Variants in DPF3 observed in about 807,000 individuals in gnomAD.
The protein encoded by DPF3 is zinc finger protein DPF3.
In DPF3, 18 loss-of-function variants were observed where a neutral mutation model predicts 56.8. That is an observed-to-expected ratio of 0.32 (90% CI 0.22 to 0.47). The LOEUF (loss-of-function observed/expected upper bound fraction) is 0.47, where lower values mean the gene tolerates loss of function less well. Ranked by LOEUF, DPF3 falls within the 20% of genes least tolerant of loss-of-function variation. The pLI, the probability that DPF3 is intolerant of heterozygous loss-of-function variation, is 1.00. For missense variants in DPF3, 403 were observed against 488.8 expected, an observed-to-expected ratio of 0.82 and a Z score of 1.65; for synonymous variants, 188 against 180.2, an observed-to-expected ratio of 1.04 and a Z score of -0.35.
chr14:72,747,221 G>T (rs1011639447), intron 3 of DPF3, among the ~76,000 whole-genome samples: 1 of 152,134 alleles, frequency 6.6e-6, no homozygotes, highest in Admixed American at 6.5e-5. Context: ...AGGGACCAAG[G>T]AGCTGACATG....
At chr14:72,763,576 A>T (rs138068916) in intron 2 of DPF3, among the ~76,000 whole-genome samples, 51 of 152,296 alleles carry the variant, frequency 3.3e-4, no homozygotes, top group African/African-American at 1.1e-3. Flanking sequence ...TGTACCATAT[A>T]CAAAATTAAC....
intron 8 of DPF3, among the ~76,000 whole-genome samples, chr14:72,633,126 C>T (rs947294386): frequency 6.6e-6 from 1 of 152,054 alleles, no homozygotes; most frequent in African/African-American, 2.4e-5. Context: ...AGTTCTGACC[C>T]ATGAAACTAG....
At chr14:72,891,823 G>C (rs1886764379) in intron 1 of DPF3, among the ~76,000 whole-genome samples, 1 of 152,096 alleles carries the variant, frequency 6.6e-6, no homozygotes, top group African/African-American at 2.4e-5. Flanking sequence ...GCAAGCAGGG[G>C]CGTTGTGTGT....
chr14:72,629,559 T>C lies in DPF3; in HGVS notation c.984+65A>G. The stretch of plus-strand genomic sequence containing the variant: ...TAGTGACAAGAGTCCTTCCTTCCTC[T>C]TCACCCCTCAAAGGACCCCAGCTCT... On this transcript the variant is annotated intron_variant, in intron 9 of 10. Coordinates refer to ENST00000556509, the MANE Select transcript of DPF3 (RefSeq NM_001280542.3). 8.3e-6 allele frequency: 12 copies of C among 1,437,516 alleles called. 1 individual carries two copies. The South Asian group carries it at 1.3e-4, about 16-fold the overall frequency. The allele number at this position is 1,437,516 out of a possible 1,614,324, so 89.0% of individuals were successfully genotyped here. A position where few individuals can be genotyped will look rare whatever the true frequency, so the allele number is the denominator to read the frequency against.
At chr14:72,753,165 G>T in intron 3 of DPF3, 99 bp downstream of exon 3, 1 of 1,081,714 alleles carries the variant, frequency 9.2e-7, no homozygotes. Flanking sequence ...AGAAAACTTA[G>T]CTCTATGGAC....
intron 1 of DPF3, among the ~76,000 whole-genome samples, chr14:72,846,215 A>G (rs895398298): frequency 1.4e-4 from 21 of 151,446 alleles, no homozygotes; most frequent in African/African-American, 4.8e-4. Context: ...TGCTCGAGCA[A>G]TTCTCATGTC....
chr14:72,731,108 G>A (rs1037617695), intron 4 of DPF3, among the ~76,000 whole-genome samples: 9 of 152,194 alleles, frequency 5.9e-5, no homozygotes, highest in African/African-American at 9.7e-5. Flanking sequence ...AGAGTTTGCA[G>A]TGAGCCGAGA....
At chr14:72,731,962 C>G (rs897757833) in intron 3 of DPF3, 28 bp from the exon 4 acceptor site, 13 of 1,560,224 alleles carry the variant, frequency 8.3e-6, no homozygotes, top group Non-Finnish European at 1.0e-5. Context: ...AAAGGCAGGT[C>G]AGGCCACTAG....
intron 8 of DPF3, among the ~76,000 whole-genome samples, chr14:72,637,221 G>C (rs1885409925): frequency 7.3e-6 from 1 of 137,418 alleles, no homozygotes; most frequent in Non-Finnish European, 1.6e-5. Context: ...GTGGTCCAAG[G>C]TGGAGTCTCT....
In DPF3 at chr14:72,766,178, T is replaced by A. The variant is rs190595688; in HGVS notation, c.193+5555A>T. Among the ~76,000 whole-genome samples the A allele has an allele frequency of 2.0e-3, 303 of 152,354 alleles. 3 individuals carry two copies. The highest frequency in any genetic ancestry group is 7.1e-3 in the African/African-American group (297 of 41,584). ...TTTATTGTATGTAATTATACTTCAA[T>A]AAAGCTGTTAAACTTTTTTAATAAC... On this transcript the variant is annotated intron_variant, in intron 2 of 10. Coordinates refer to ENST00000556509, the MANE Select transcript of DPF3 (RefSeq NM_001280542.3).
chr14:72,790,090 T>A (rs1487318019), intron 1 of DPF3, among the ~76,000 whole-genome samples: 1 of 151,646 alleles, frequency 6.6e-6, no homozygotes, highest in Admixed American at 6.6e-5. Flanking sequence ...CTTCCCTACT[T>A]AAAATTAATT....
At chr14:72,884,308 G>T (rs1319885403) in intron 1 of DPF3, among the ~76,000 whole-genome samples, 1 of 152,176 alleles carries the variant, frequency 6.6e-6, no homozygotes, top group Non-Finnish European at 1.5e-5. Flanking sequence ...AGTAGACCTT[G>T]CATTTCCTGA....
intron 6 of DPF3, among the ~76,000 whole-genome samples, chr14:72,698,557 C>A (rs764248080): frequency 6.6e-6 from 1 of 152,076 alleles, no homozygotes; most frequent in South Asian, 2.1e-4. Context: ...TGTGGTGGTG[C>A]GCACCTATAG....
intron 9 of DPF3, among the ~76,000 whole-genome samples, chr14:72,628,257 C>T (rs778416772): frequency 1.3e-5 from 2 of 152,050 alleles, no homozygotes; most frequent in Non-Finnish European, 2.9e-5. Flanking sequence ...TTCTAAGGTA[C>T]AAATACTTTA....
In DPF3 at chr14:72,820,666, A is replaced by C. The variant is rs186601649; in HGVS notation, c.33-48773T>G. 2.8e-3 allele frequency among the ~76,000 whole-genome samples: 420 copies of C among 152,334 alleles called. 2 individuals are homozygous for C. The highest frequency in any genetic ancestry group is 4.3e-3 in the Non-Finnish European group (295 of 68,030). ...TTCTAGAAACCTGTGCTAAGGAATA[A>C]ACAAAGATGAATGATCAAAATTAGA... On this transcript the variant is annotated intron_variant, in intron 1 of 10. Transcript: ENST00000556509.
intron 1 of DPF3, among the ~76,000 whole-genome samples, chr14:72,795,292 AAAAATATAT>A (rs1236699272): frequency 3.0e-5 from 3 of 99,562 alleles, no homozygotes; most frequent in Admixed American, 1.0e-4. Context: ...AAAAAAAAAA[AAAAATATAT>A]ATATATATAT....
At chr14:72,629,602 A>C (rs950021084) in intron 9 of DPF3, 22 bp downstream of exon 9, 18 of 1,529,282 alleles carry the variant, frequency 1.2e-5, no homozygotes, top group Non-Finnish European at 1.5e-5. Context: ...TCTCCCTCCC[A>C]CAGGGAAAGC....
At chr14:72,855,369 T>C (rs2140089570) in intron 1 of DPF3, among the ~76,000 whole-genome samples, 1 of 152,340 alleles carries the variant, frequency 6.6e-6, no homozygotes, top group South Asian at 2.1e-4. Flanking sequence ...ATCTCATCTG[T>C]ATTCCTGGAG....
At chr14:72,749,874 A>G (rs899629236) in intron 3 of DPF3, among the ~76,000 whole-genome samples, 3 of 151,054 alleles carry the variant, frequency 2.0e-5, no homozygotes, top group Non-Finnish European at 1.5e-5. Flanking sequence ...GAAAAGAAAA[A>G]AAAGTAAGAA....
Sources: gnomAD v4.1 joint callset for allele counts (sites outside exome capture counted in the v4.1 genomes callset) on GRCh38, gnomAD v4.1.1 for gene constraint, MANE v1.5 for transcripts, NCBI Gene and HGNC (gene_info 2026-07-23, HGNC 2026-07-21) for gene names.